ANKRD13C: variants seen among roughly 807,000 people sequenced by gnomAD.
ANKRD13C encodes ankyrin repeat domain-containing protein 13C.
ANKRD13C carries 16 observed loss-of-function variants against 65.5 expected under a neutral mutation model. The ratio of observed to expected loss-of-function variants is 0.24; its 90% CI spans 0.17 to 0.37. ANKRD13C has a LOEUF of 0.37. Ranked by LOEUF, ANKRD13C falls within the 10% of genes least tolerant of loss-of-function variation. The pLI is 1.00. For missense variants in ANKRD13C, 503 were observed against 655.9 expected (o/e 0.77, Z 2.55); for synonymous variants, 235 against 238.7 (o/e 0.98, Z 0.14).
chr1:70,297,286 G>GTTTTTTTT (rs1558281019), intron 7 of ANKRD13C, among the ~76,000 whole-genome samples: 1 of 125,116 alleles, frequency 8.0e-6, no homozygotes, highest in East Asian at 2.7e-4. Flanking sequence ...GTCCCTTTCT[G>GTTTTTTTT]ATTTTTTTTT....
At chr1:70,329,250 G>A (rs770027657) in intron 2 of ANKRD13C, among the ~76,000 whole-genome samples, 1 of 152,116 alleles carries the variant, frequency 6.6e-6, no homozygotes, top group Non-Finnish European at 1.5e-5. Context: ...AAAAAAATAG[G>A]CCAGGAGCAG....
intron 1 of ANKRD13C, among the ~76,000 whole-genome samples, chr1:70,351,206 T>C (rs1357799117): frequency 2.0e-5 from 3 of 152,168 alleles, no homozygotes; most frequent in Admixed American, 6.5e-5. Flanking sequence ...ACTGGATAAA[T>C]TGTGTCTATA....
chr1:70,328,128 G>A (rs1455949382), intron 2 of ANKRD13C, among the ~76,000 whole-genome samples: 1 of 151,836 alleles, frequency 6.6e-6, no homozygotes, highest in African/African-American at 2.4e-5. Context: ...ATGAAACAAT[G>A]TTAATTATTG....
intron 1 of ANKRD13C, among the ~76,000 whole-genome samples, chr1:70,347,625 CACA>C (rs921826437): frequency 2.0e-5 from 3 of 152,176 alleles, no homozygotes; most frequent in Admixed American, 6.5e-5. Context: ...GTGTTCTTAT[CACA>C]ACATTTGTAA....
intron 2 of ANKRD13C, among the ~76,000 whole-genome samples, chr1:70,330,810 T>C (rs1184441709): frequency 6.6e-6 from 1 of 152,114 alleles, no homozygotes; most frequent in African/African-American, 2.4e-5. Flanking sequence ...TTGAAAAACC[T>C]TTCTCTCATA....
At chr1:70,310,244 C>T (rs1359078222) in intron 5 of ANKRD13C, among the ~76,000 whole-genome samples, 1 of 152,140 alleles carries the variant, frequency 6.6e-6, no homozygotes, top group Non-Finnish European at 1.5e-5. Flanking sequence ...TTCAGTATTT[C>T]TTGGCTTCCC....
chr1:70,260,295 T>A lies in ANKRD13C; in HGVS notation c.*2422A>T, dbSNP rs896273351. Among the ~76,000 whole-genome samples the A allele has an allele frequency of 2.0e-5, 3 of 152,150 alleles. No homozygotes were observed. The highest frequency in any genetic ancestry group is 4.4e-5 in the Non-Finnish European group (3 of 67,994). On this transcript the variant is annotated 3_prime_UTR_variant, in exon 13 of 13. Coordinates refer to ENST00000370944, the MANE Select transcript of ANKRD13C (RefSeq NM_030816.5). ...GAGGGCAAATTGTCTCATCAGAGAA[T>A]TATTTTCTCAAAGATGGAAACCATA...
At chr1:70,324,764 T>C (rs1341407238) in intron 3 of ANKRD13C, 89 bp downstream of exon 3, 3 of 962,122 alleles carry the variant, frequency 3.1e-6, no homozygotes, top group Non-Finnish European at 4.5e-6. Flanking sequence ...GTTCATATTA[T>C]GGCAAGTTAC....
In ANKRD13C at chr1:70,272,268, C is replaced by G. The variant is rs568829360; in HGVS notation, c.1395-1312G>C. Among the ~76,000 whole-genome samples the G allele has an allele frequency of 2.0e-5, 3 of 151,706 alleles. No individual in the cohort carries two copies. The East Asian group carries it at 5.8e-4, about 29-fold the overall frequency. On this transcript the variant is annotated intron_variant, in intron 11 of 12. Transcript: ENST00000370944. ...GAGATGGAGTTTCGCTCTTGTTGCCCAGGCTGGAGTGCAATGGCGTGATGT... is the reference window on the plus strand; with the variant it reads ...GAGATGGAGTTTCGCTCTTGTTGCCGAGGCTGGAGTGCAATGGCGTGATGT...
At chr1:70,328,359 T>C (rs1002309442) in intron 2 of ANKRD13C, among the ~76,000 whole-genome samples, 5 of 152,056 alleles carry the variant, frequency 3.3e-5, no homozygotes, top group East Asian at 1.9e-4. Flanking sequence ...AATGATTGCA[T>C]TGTTTAAAAA....
chr1:70,276,029 A>G (rs558664027), intron 10 of ANKRD13C, among the ~76,000 whole-genome samples: 1 of 151,714 alleles, frequency 6.6e-6, no homozygotes, highest in East Asian at 1.9e-4. Flanking sequence ...TCAGAAAAAT[A>G]TAACAAAACT....
Position 70,316,500 on chromosome 1 carries a change from T to C in ANKRD13C, c.578-934A>G, listed in dbSNP as rs911659535. 3.4e-5 allele frequency among the ~76,000 whole-genome samples: 5 copies of C among 148,874 alleles called. No individual in the cohort carries two copies. The South Asian group carries it at 1.1e-3, about 32-fold the overall frequency. On this transcript the variant is annotated intron_variant, in intron 3 of 12. Coordinates refer to ENST00000370944, the MANE Select transcript of ANKRD13C (RefSeq NM_030816.5). ...GAGTTCGAGACCAGCCTGGGAAACA[T>C]AGTAAGACCCCATCTCTATTAAAAA...
intron 1 of ANKRD13C, among the ~76,000 whole-genome samples, chr1:70,350,323 T>C (rs939907390): frequency 6.6e-6 from 1 of 152,234 alleles, no homozygotes; most frequent in African/African-American, 2.4e-5. Context: ...TAAACGATGA[T>C]GATGAAGATT....
intron 2 of ANKRD13C, 133 bp downstream of exon 2, chr1:70,335,925 T>A (rs970700073): frequency 1.5e-5 from 4 of 265,488 alleles, no homozygotes; most frequent in African/African-American, 6.7e-5. Flanking sequence ...CTAATTTCAA[T>A]ATACTAAATT....
chr1:70,319,529 T>C (rs1681215063), intron 3 of ANKRD13C, among the ~76,000 whole-genome samples: 1 of 149,308 alleles, frequency 6.7e-6, no homozygotes, highest in South Asian at 2.1e-4. Context: ...ATTGCTTGAA[T>C]CTGAGAGGCG....
At chr1:70,275,931 C>T (rs1244367933) in intron 10 of ANKRD13C, among the ~76,000 whole-genome samples, 1 of 133,536 alleles carries the variant, frequency 7.5e-6, no homozygotes, top group Non-Finnish European at 1.5e-5. Context: ...CACTGCACTC[C>T]AGCCTGGGCG....
intron 5 of ANKRD13C, among the ~76,000 whole-genome samples, chr1:70,310,418 C>T (rs1304366946): frequency 1.3e-5 from 2 of 152,110 alleles, no homozygotes; most frequent in Admixed American, 6.6e-5. Flanking sequence ...CTAATCATCA[C>T]GTATTAATAG....
In ANKRD13C at chr1:70,338,016, T is replaced by A. The variant is rs182594852; in HGVS notation, c.431-1917A>T. ...GAGGAGGCTGAGGCAGGAGAATCGC[T>A]TGAACCTGGGAGGCGAAGGTTGCGG... On this transcript the variant is annotated intron_variant, in intron 1 of 12. Transcript: ENST00000370944. Among the ~76,000 whole-genome samples the A allele has an allele frequency of 2.0e-3, 297 of 152,174 alleles. 1 individual carries two copies. The highest frequency in any genetic ancestry group is 0.013 in the South Asian group (63 of 4,818).
chr1:70,284,906 C>G (rs186583723), intron 9 of ANKRD13C, among the ~76,000 whole-genome samples: 2 of 152,214 alleles, frequency 1.3e-5, no homozygotes, highest in Admixed American at 6.5e-5. Flanking sequence ...TAGCCAGCTA[C>G]GAAAGACATC....
Sources: gnomAD v4.1 joint callset for allele counts (sites outside exome capture counted in the v4.1 genomes callset) on GRCh38, gnomAD v4.1.1 for gene constraint, MANE v1.5 for transcripts, NCBI Gene and HGNC (gene_info 2026-07-23, HGNC 2026-07-21) for gene names.